Variants in SNX6 observed in about 807,000 individuals in gnomAD.
SNX6 encodes sorting nexin-6.
A neutral mutation model predicts 63.0 loss-of-function variants in SNX6; 34 were observed. That is an observed-to-expected ratio of 0.54 (90% CI 0.41 to 0.72). SNX6 has a LOEUF of 0.72. SNX6 is among the 30% of genes least tolerant of loss of function. SNX6 has a pLI of 0.00. For synonymous variants in SNX6, 170 were observed against 164.2 expected, an observed-to-expected ratio of 1.04 and a Z score of -0.27; for missense variants, 398 against 471.4, an observed-to-expected ratio of 0.84 and a Z score of 1.44.
chr14:34,610,352 C>CAAACAA (rs1491450863), intron 2 of SNX6, among the ~76,000 whole-genome samples: 1 of 77,694 alleles, frequency 1.3e-5, no homozygotes, highest in Non-Finnish European at 2.3e-5. Flanking sequence ...AAAACCGTCT[C>CAAACAA]AAAAAAAAAA....
chr14:34,565,981 G>A (rs1166111619), intron 13 of SNX6, among the ~76,000 whole-genome samples: 5 of 151,840 alleles, frequency 3.3e-5, no homozygotes, highest in African/African-American at 4.8e-5. Context: ...GAGCCACCAC[G>A]CCTGGCTGAT....
chr14:34,571,086 A>C (rs547633516), intron 11 of SNX6, among the ~76,000 whole-genome samples: 1 of 152,056 alleles, frequency 6.6e-6, no homozygotes, highest in South Asian at 2.1e-4. Context: ...TGTTACATCC[A>C]GACAATGGAA....
Position 34,605,046 on chromosome 14 carries a change from T to A in SNX6, c.392+550A>T, listed in dbSNP as rs1038547225. ...TCATTAAATGACTATTAGTTTCATA[T>A]ATACTAGAAATGTATTAGTTTCTTG... On this transcript the variant is annotated intron_variant, in intron 5 of 13. Transcript: ENST00000362031. Among the ~76,000 whole-genome samples, 3 of 151,736 alleles carry A rather than the reference T, an allele frequency of 2.0e-5. No individual in the cohort carries two copies. In the East Asian group the frequency reaches 5.8e-4, roughly 29 times the overall value.
chr14:34,628,455 T>C (rs1381016666), intron 2 of SNX6, among the ~76,000 whole-genome samples: 1 of 151,878 alleles, frequency 6.6e-6, no homozygotes, highest in Non-Finnish European at 1.5e-5. Context: ...CAAGACTCCG[T>C]CTCAAAAAGC....
chr14:34,577,855 G>T (rs1306350438), intron 10 of SNX6, among the ~76,000 whole-genome samples: 3 of 152,094 alleles, frequency 2.0e-5, no homozygotes, highest in Non-Finnish European at 2.9e-5. Flanking sequence ...TATGCATAAA[G>T]GACACAGAAT....
chr14:34,590,391 G>A (rs1232381820), intron 8 of SNX6, among the ~76,000 whole-genome samples: 2 of 148,956 alleles, frequency 1.3e-5, no homozygotes, highest in Non-Finnish European at 1.5e-5. Flanking sequence ...TTCCGCCACT[G>A]CACTCCAGCA....
chr14:34,589,408 C>T (rs1444143567), intron 8 of SNX6, among the ~76,000 whole-genome samples: 2 of 152,220 alleles, frequency 1.3e-5, no homozygotes, highest in East Asian at 1.9e-4. Flanking sequence ...GCTGAGATCA[C>T]GCCACTCACT....
chr14:34,579,818 T>C (rs1423123598), intron 10 of SNX6, among the ~76,000 whole-genome samples: 5 of 148,314 alleles, frequency 3.4e-5, no homozygotes, highest in Non-Finnish European at 7.4e-5. Flanking sequence ...CAAGACCCTG[T>C]CTCTACCAAA....
Position 34,603,340 on chromosome 14 carries a change from A to T in SNX6, c.516+8T>A. The T allele has an allele frequency of 6.3e-7, 1 of 1,590,564 alleles. No individual in the cohort carries two copies. The highest frequency in any genetic ancestry group is 1.4e-5 in the African/African-American group (1 of 73,406). On this transcript the variant is annotated splice_region_variant and intron_variant, in intron 6 of 13. Transcript: ENST00000362031. ...GAAAACTTGACCACCAATCAATGTG[A>T]TACTCACATCTTGATTATATTCCAA...
chr14:34,601,219 CTTTTTTTTTTTTTTT>C (rs77009422), intron 6 of SNX6, among the ~76,000 whole-genome samples: 1 of 142,536 alleles, frequency 7.0e-6, no homozygotes, highest in Non-Finnish European at 1.5e-5. Context: ...AACCCTATTT[CTTTTTTTTTTTTTTT>C]TTTTTTTTTG....
At chr14:34,571,115 A>G (rs1466071307) in intron 11 of SNX6, among the ~76,000 whole-genome samples, 1 of 152,012 alleles carries the variant, frequency 6.6e-6, no homozygotes, top group Non-Finnish European at 1.5e-5. Flanking sequence ...AGCACTAAGA[A>G]GAAATGAGCT....
chr14:34,576,617 T>C (rs1881718924), intron 10 of SNX6, among the ~76,000 whole-genome samples: 1 of 151,486 alleles, frequency 6.6e-6, no homozygotes, highest in Non-Finnish European at 1.5e-5. Context: ...CCTGGCTAAC[T>C]TTTGTATTTT....
At chr14:34,620,066 T>A (rs970369507) in intron 2 of SNX6, among the ~76,000 whole-genome samples, 4 of 152,074 alleles carry the variant, frequency 2.6e-5, no homozygotes, top group Admixed American at 2.6e-4. Context: ...TAGAGAAAAG[T>A]CACCATTGTT....
chr14:34,582,330 C>G (rs774281595), intron 9 of SNX6, among the ~76,000 whole-genome samples: 2 of 151,736 alleles, frequency 1.3e-5, no homozygotes, highest in African/African-American at 4.8e-5. Context: ...CAAGTTTTCA[C>G]CTGGTTAAAA....
chr14:34,564,169 A>C (rs1285314101), intron 13 of SNX6, among the ~76,000 whole-genome samples: 5 of 151,948 alleles, frequency 3.3e-5, no homozygotes, highest in Admixed American at 2.6e-4. Flanking sequence ...CTGAGATTAC[A>C]GGCGCGTGCC....
At chr14:34,616,635 G>T (rs1366682307) in intron 2 of SNX6, among the ~76,000 whole-genome samples, 1 of 152,146 alleles carries the variant, frequency 6.6e-6, no homozygotes, top group African/African-American at 2.4e-5. Context: ...CGAACCACTG[G>T]TATTACAGGT....
chr14:34,629,032 T>C (rs949050273), intron 2 of SNX6, among the ~76,000 whole-genome samples: 5 of 151,574 alleles, frequency 3.3e-5, no homozygotes, highest in Non-Finnish European at 1.5e-5. Flanking sequence ...AGAATGGAGG[T>C]TATCAAAGGC....
intron 11 of SNX6, among the ~76,000 whole-genome samples, chr14:34,569,355 T>C (rs1242690090): frequency 6.6e-6 from 1 of 152,130 alleles, no homozygotes; most frequent in Non-Finnish European, 1.5e-5. Flanking sequence ...CATTTCCCCA[T>C]GTGTGCCCAT....
rs148307451 is a variant in SNX6, at chr14:34,585,869, G to A, written c.794+361C>T. 4.2e-3 allele frequency among the ~76,000 whole-genome samples: 645 copies of A among 151,854 alleles called. 6 individuals carry two copies. Among genetic ancestry groups the A allele is most frequent in the African/African-American group, 0.015 (611 of 41,408 alleles). On this transcript the variant is annotated intron_variant, in intron 9 of 13. Coordinates refer to ENST00000362031, the MANE Select transcript of SNX6 (RefSeq NM_152233.4). Reference sequence around the variant, plus strand: ...CACCTCCCAAAGTGCTGGGATTACAGGCATGAGCCACTGTGCCCAGCTATA... The same window carrying A: ...CACCTCCCAAAGTGCTGGGATTACAAGCATGAGCCACTGTGCCCAGCTATA...
Sources: gnomAD v4.1 joint callset for allele counts (sites outside exome capture counted in the v4.1 genomes callset) on GRCh38, gnomAD v4.1.1 for gene constraint, MANE v1.5 for transcripts, NCBI Gene and HGNC (gene_info 2026-07-23, HGNC 2026-07-21) for gene names.